Variants in GRIN2B observed in about 807,000 individuals in gnomAD.
GRIN2B encodes the protein glutamate ionotropic receptor NMDA type subunit 2B.
GRIN2B carries 5 observed loss-of-function variants against 114.5 expected under a neutral mutation model. The observed-to-expected ratio is 0.04, with a 90% confidence interval of 0.02 to 0.09. The LOEUF (loss-of-function observed/expected upper bound fraction) is 0.09, where lower values mean the gene tolerates loss of function less well. Among genes scored for constraint, GRIN2B ranks in the 10% least tolerant of loss-of-function variants. The pLI, the probability that GRIN2B is intolerant of heterozygous loss-of-function variation, is 1.00. For missense variants in GRIN2B, 1,108 were observed against 1,943.5 expected (o/e 0.57, Z 8.08); for synonymous variants, 787 against 745.1 (o/e 1.06, Z -0.92).
chr12:13,665,642 A>G (rs1949966863), intron 5 of GRIN2B, among the ~76,000 whole-genome samples: 1 of 152,130 alleles, frequency 6.6e-6, no homozygotes, highest in South Asian at 2.1e-4. Context: ...CTGATCCTCA[A>G]TTTACTTACA....
At chr12:13,819,371 C>T (rs1283402532) in intron 3 of GRIN2B, among the ~76,000 whole-genome samples, 1 of 151,352 alleles carries the variant, frequency 6.6e-6, no homozygotes, top group Admixed American at 6.6e-5. Context: ...AAAACAGGGA[C>T]AATACCACCT....
intron 3 of GRIN2B, among the ~76,000 whole-genome samples, chr12:13,804,933 T>C (rs1292208187): frequency 6.6e-6 from 1 of 152,188 alleles, no homozygotes; most frequent in Non-Finnish European, 1.5e-5. Context: ...CTCACTGTGC[T>C]AACCCAGGGT....
chr12:13,657,794 G>C (rs1949880903), intron 5 of GRIN2B, among the ~76,000 whole-genome samples: 1 of 152,126 alleles, frequency 6.6e-6, no homozygotes, highest in Admixed American at 6.5e-5. Flanking sequence ...TAAATGGTTA[G>C]TTTATACGAT....
chr12:13,932,750 G>T (rs980814291), intron 2 of GRIN2B, among the ~76,000 whole-genome samples: 7 of 152,158 alleles, frequency 4.6e-5, no homozygotes, highest in Admixed American at 2.0e-4. Flanking sequence ...GAACCAAAAG[G>T]TTGGGAGAAT....
At chr12:13,596,014 AT>A (rs897543849) in intron 10 of GRIN2B, among the ~76,000 whole-genome samples, 3 of 149,530 alleles carry the variant, frequency 2.0e-5, no homozygotes, top group African/African-American at 4.9e-5. Context: ...GTTCAAGTGC[AT>A]TTTTTTTCTG....
chr12:13,549,745 A>T lies in GRIN2B; in HGVS notation c.*13038T>A, dbSNP rs1948387384. The T allele has an allele frequency of 6.6e-6, 1 of 152,194 alleles. No individual in the cohort carries two copies. Among genetic ancestry groups the T allele is most frequent in the Non-Finnish European group, 1.5e-5 (1 of 68,020 alleles). 9.4% of individuals were successfully genotyped at this position (152,194 alleles called of 1,614,324 possible). A position where few individuals can be genotyped will look rare whatever the true frequency, so the allele number is the denominator to read the frequency against. ...ACAATATCTTACCCTATAGAATTCA[A>T]AAACATTTTTATTTGACCAAGTTTT... On this transcript the variant is annotated 3_prime_UTR_variant, in exon 14 of 14. Coordinates refer to ENST00000609686, the MANE Select transcript of GRIN2B (RefSeq NM_000834.5).
intron 11 of GRIN2B, 43 bp from the exon 12 acceptor site, chr12:13,570,060 G>C (rs1948687360): frequency 7.5e-7 from 1 of 1,336,128 alleles, no homozygotes; most frequent in South Asian, 1.2e-5. Flanking sequence ...AGGAATTTTA[G>C]AACAAAACTA....
At chr12:13,578,135 G>C (rs1013152185) in intron 10 of GRIN2B, among the ~76,000 whole-genome samples, 3 of 152,044 alleles carry the variant, frequency 2.0e-5, no homozygotes, top group African/African-American at 7.2e-5. Flanking sequence ...GTAAAAGTTG[G>C]TATTAAACTC....
At chr12:13,916,734 C>A (rs1051600711) in intron 2 of GRIN2B, among the ~76,000 whole-genome samples, 253 of 9,746 alleles carry the variant, frequency 0.026, 4 homozygotes, top group Non-Finnish European at 0.059. Flanking sequence ...CACACACACA[C>A]ATTTGTGTGT....
chr12:13,600,805 A>G (rs1410993551), intron 10 of GRIN2B, among the ~76,000 whole-genome samples: 2 of 152,180 alleles, frequency 1.3e-5, no homozygotes, highest in African/African-American at 4.8e-5. Context: ...GTGTGCACAT[A>G]AGCAGTGTAG....
intron 4 of GRIN2B, among the ~76,000 whole-genome samples, chr12:13,699,257 A>G (rs978464718): frequency 6.6e-6 from 1 of 152,242 alleles, no homozygotes; most frequent in African/African-American, 2.4e-5. Flanking sequence ...CCATCTCCCC[A>G]ATACCTGCAG....
intron 5 of GRIN2B, among the ~76,000 whole-genome samples, chr12:13,658,086 T>TC (rs1338318371): frequency 2.0e-5 from 3 of 151,450 alleles, no homozygotes; most frequent in African/African-American, 7.3e-5. Flanking sequence ...CTGCCTGTAC[T>TC]CCCCCAGCTA....
rs151069425 is a variant in GRIN2B at position 13,813,315 on chromosome 12, C to T, written c.411+52483G>A. ...CTATTTAGAGTCATCCATTCGAATG[C>T]TAAATATCAGAATTATGATATAAGG... On this transcript the variant is annotated intron_variant, in intron 3 of 13. Transcript: ENST00000609686. Among the ~76,000 whole-genome samples the T allele has an allele frequency of 5.3e-4, 80 of 152,080 alleles. No individual in the cohort carries two copies. The East Asian group carries it at 0.015, about 28-fold the overall frequency.
intron 4 of GRIN2B, among the ~76,000 whole-genome samples, chr12:13,695,465 T>C (rs1184453513): frequency 2.0e-5 from 3 of 152,104 alleles, no homozygotes; most frequent in Admixed American, 2.0e-4. Context: ...GGGAGTTATT[T>C]TAGCTGGGTC....
rs981919348 is a variant in GRIN2B at position 13,545,905 on chromosome 12, G to A, written c.*16878C>T. 2 of 152,158 alleles carry A rather than the reference G, an allele frequency of 1.3e-5. No homozygotes were observed. The highest frequency in any genetic ancestry group is 4.8e-5 in the African/African-American group (2 of 41,442). The allele number at this position is 152,158 out of a possible 1,614,324, so 9.4% of individuals were successfully genotyped here. A position where few individuals can be genotyped will look rare whatever the true frequency, so the allele number is the denominator to read the frequency against. ...TTATAGCTTAGAAGATCATGTCTGA[G>A]TCAGTAAATTCCATGTTAATATGTG... On this transcript the variant is annotated 3_prime_UTR_variant, in exon 14 of 14. Coordinates refer to ENST00000609686, the MANE Select transcript of GRIN2B (RefSeq NM_000834.5).
At position 13,558,472 on chromosome 12, in the gene GRIN2B, A is replaced by G. The variant is rs1948500402; in HGVS notation, c.*4311T>C. ...TCTTGAACTAACTAACTAAAAACCG[A>G]CCAAAAAAAAAAAAAAAATGAACCA... On this transcript the variant is annotated 3_prime_UTR_variant, in exon 14 of 14. Coordinates refer to ENST00000609686, the MANE Select transcript of GRIN2B (RefSeq NM_000834.5). 1 of 115,526 alleles carries G rather than the reference A, an allele frequency of 8.7e-6. No individual in the cohort carries two copies. Among genetic ancestry groups the G allele is most frequent in the East Asian group, 2.1e-4 (1 of 4,690 alleles). The allele number at this position is 115,526 out of a possible 1,614,324, so 7.2% of individuals were successfully genotyped here.
In GRIN2B at chr12:13,616,574, A is replaced by G. The variant is rs749839317; in HGVS notation, c.1209T>C (p.Asp403=). Reference sequence around the variant, plus strand: ...CCAGGGTCACAATGCTCAGATGGTCATCCTCCTGCTCTTCAGTCTCTGGAC... The same window carrying G: ...CCAGGGTCACAATGCTCAGATGGTCGTCCTCCTGCTCTTCAGTCTCTGGAC... The part of the protein sequence containing the change: ...RMCPETEEQE[D]DHLSIVTLEE... The change falls in exon 6 of 14, where the codon GAT becomes GAC. Residue 403 remains aspartate (D), a synonymous_variant. Transcript: ENST00000609686. 2 of 1,613,962 alleles carry G rather than the reference A, an allele frequency of 1.2e-6. No homozygotes were observed. Among genetic ancestry groups the G allele is most frequent in the East Asian group, 2.2e-5 (1 of 44,880 alleles).
intron 4 of GRIN2B, among the ~76,000 whole-genome samples, chr12:13,714,609 C>G (rs569856013): frequency 6.6e-6 from 1 of 151,844 alleles, no homozygotes; most frequent in Non-Finnish European, 1.5e-5. Context: ...GATGCTGCCT[C>G]TTAATCTTAA....
chr12:13,605,813 A>T (rs762465847), intron 10 of GRIN2B, among the ~76,000 whole-genome samples: 4 of 152,192 alleles, frequency 2.6e-5, no homozygotes, highest in Non-Finnish European at 5.9e-5. Context: ...AGAGAAAGAT[A>T]AGTGCAGTAT....
Sources: allele counts gnomAD v4.1 joint callset (sites outside exome capture counted in the v4.1 genomes callset), GRCh38; gene constraint gnomAD v4.1.1; transcripts MANE v1.5; gene names NCBI Gene and HGNC (gene_info 2026-07-23, HGNC 2026-07-21).